The following GZF1 variants were observed in gnomAD, a reference collection of about 807,000 sequenced individuals.
GZF1 encodes the protein GDNF-inducible zinc finger protein 1.
GZF1 carries 28 observed loss-of-function variants against 49.4 expected under a neutral mutation model. The observed-to-expected ratio is 0.57, with a 90% CI of 0.42 to 0.78. GZF1 has a LOEUF of 0.78. Ranked by LOEUF, GZF1 falls within the 30% of genes least tolerant of loss-of-function variation. GZF1 has a pLI of 0.00. For synonymous variants in GZF1, 364 were observed against 356.0 expected, an observed-to-expected ratio of 1.02 and a Z score of -0.25; for missense variants, 798 against 916.2, an observed-to-expected ratio of 0.87 and a Z score of 1.67.
rs980625959 is a variant in GZF1 at position 23,369,697 on chromosome 20, G to A, written c.1741G>A (p.Gly581Arg). Residue 581 changes from glycine to arginine, a missense_variant, in exon 5 of 6, where the codon GGA (glycine) becomes AGA (arginine). By Grantham distance (125) the Gly-to-Arg change is moderately radical. Transcript: ENST00000338121. ...GERPFMCNAC[G>R]RTFTDKSTLR... is the part of the protein sequence containing the mutation. ...GAGGCCATTCATGTGCAATGCGTGCGGACGGACATTCACCGACAAGTCCAC... is the reference window on the plus strand; with the variant it reads ...GAGGCCATTCATGTGCAATGCGTGCAGACGGACATTCACCGACAAGTCCAC... 24 of 1,613,870 alleles carry A rather than the reference G, an allele frequency of 1.5e-5. No homozygotes were observed. The highest frequency in any genetic ancestry group is 1.7e-4 in the Middle Eastern group (1 of 6,058).
intron 1 of GZF1, chr20:23,362,959 C>G (rs1370045636): frequency 6.6e-6 from 1 of 152,226 alleles, no homozygotes; most frequent in East Asian, 1.9e-4. Flanking sequence ...CACTGAAACC[C>G]CAGTGGCTCT....
At chr20:23,363,841 G>T (rs1980975417) in intron 1 of GZF1, among the ~76,000 whole-genome samples, 1 of 152,242 alleles carries the variant, frequency 6.6e-6, no homozygotes. Flanking sequence ...AATGGGCGAT[G>T]AATTGTGAAC....
rs1982010661 is a variant in GZF1 at position 23,370,860 on chromosome 20, TC to T, written c.*420del. On this transcript the variant is annotated 3_prime_UTR_variant, in exon 6 of 6. Coordinates refer to ENST00000338121, the MANE Select transcript of GZF1 (RefSeq NM_022482.5). Reference sequence around the variant, plus strand: ...TTATATTTCCATGTGGGTTTACTTCTCTCATAACTACTTTCAAGGTATTTTT... The same window carrying T: ...TTATATTTCCATGTGGGTTTACTTCTTCATAACTACTTTCAAGGTATTTTT... The T allele has an allele frequency of 6.3e-6, 1 of 159,176 alleles. No individual in the cohort carries two copies. Among genetic ancestry groups the T allele is most frequent in the Non-Finnish European group, 1.4e-5 (1 of 72,830 alleles). The allele number at this position is 159,176 out of a possible 1,614,324, so 9.9% of individuals were successfully genotyped here.
intron 1 of GZF1, 99 bp from the exon 2 acceptor site, chr20:23,364,264 A>G: frequency 7.7e-6 from 5 of 646,770 alleles, no homozygotes; most frequent in Middle Eastern, 4.4e-4. Context: ...TAGGTTGTTA[A>G]TGAGTCTATA....
At position 23,370,717 on chromosome 20, in the gene GZF1, C is replaced by T. The variant is rs986454288; in HGVS notation, c.*276C>T. 1.7e-5 allele frequency: 7 copies of T among 407,932 alleles called. No individual in the cohort carries two copies. Among genetic ancestry groups the T allele is most frequent in the Non-Finnish European group, 2.7e-5 (6 of 225,562 alleles). The allele number at this position is 407,932 out of a possible 1,614,324, so 25.3% of individuals were successfully genotyped here. A position where few individuals can be genotyped will look rare whatever the true frequency, so the allele number is the denominator to read the frequency against. ...TCTGGTGTAGGGTGTATGTGCTAAT[C>T]GTTCTAATTCTTGATTACCTAGTTT... On this transcript the variant is annotated 3_prime_UTR_variant, in exon 6 of 6. Transcript: ENST00000338121.
At position 23,364,784 on chromosome 20, in the gene GZF1, A is replaced by G. The variant is rs1465888988; in HGVS notation, c.401A>G (p.Glu134Gly). 4 of 1,614,288 alleles carry G rather than the reference A, an allele frequency of 2.5e-6. No homozygotes were observed. In the South Asian group the frequency reaches 4.4e-5, roughly 18 times the overall value. ...TCFQLKKQML[E>G]SVLLELQNFS... ...TTTCAATTAAAGAAACAGATGTTAG[A>G]GTCAGTACTTTTGGAGTTGCAAAAT... Residue 134 changes from glutamate to glycine, a missense_variant, in exon 2 of 6, where the codon GAG becomes GGG. Around this residue, in one of 3 missense-constraint regions of GZF1, gnomAD observed 247 missense variants for 228.5 expected, o/e 1.08. Coordinates refer to ENST00000338121, the MANE Select transcript of GZF1 (RefSeq NM_022482.5).
In GZF1 at chr20:23,364,793, T is replaced by A. The variant is rs1452331092; in HGVS notation, c.410T>A (p.Leu137His). The A allele has an allele frequency of 3.1e-6, 5 of 1,614,146 alleles. No individual in the cohort carries two copies. The highest frequency in any genetic ancestry group is 4.2e-6 in the Non-Finnish European group (5 of 1,180,056). Residue 137 changes from leucine to histidine, a missense_variant, in exon 2 of 6, where the codon CTT becomes CAT. Physicochemically the swap from Leu to His is moderately conservative, Grantham distance 99 (BLOSUM62 -3). Around this residue, in one of 3 missense-constraint regions of GZF1, gnomAD observed 247 missense variants for 228.5 expected, o/e 1.08. Coordinates refer to ENST00000338121, the MANE Select transcript of GZF1 (RefSeq NM_022482.5). Reference protein sequence around the residue: ...QLKKQMLESVLLELQNFSESQ... With the variant: ...QLKKQMLESVHLELQNFSESQ... ...AAGAAACAGATGTTAGAGTCAGTAC[T>A]TTTGGAGTTGCAAAATTTCTCAGAG...
intron 5 of GZF1, 129 bp from the exon 6 acceptor site, chr20:23,369,962 T>C (rs906227513): frequency 2.3e-5 from 21 of 910,096 alleles, no homozygotes; most frequent in Non-Finnish European, 2.9e-5. Context: ...TCTGTAACAG[T>C]GAGGGTGGTG....
chr20:23,366,549 TCTC>T (rs1302602316), intron 2 of GZF1, among the ~76,000 whole-genome samples: 14 of 152,220 alleles, frequency 9.2e-5, no homozygotes, highest in African/African-American at 3.1e-4. Flanking sequence ...TGAGAACAGT[TCTC>T]CTTTCTCTAC....
At position 23,364,579 on chromosome 20, in the gene GZF1, A is replaced by C. The variant is rs1179228082; in HGVS notation, c.196A>C (p.Asn66His). 6.2e-7 allele frequency: 1 copy of C among 1,614,110 alleles called. No homozygotes were observed. The highest frequency in any genetic ancestry group is 1.7e-5 in the Admixed American group (1 of 60,004). ...CAAGTTTTTTAAGGAAGTGTTCCTT[A>C]ATGAGAAGAGTGTGGATGGTACTAG... Reference protein sequence around the residue: ...TSKFFKEVFLNEKSVDGTRTN... With the variant: ...TSKFFKEVFLHEKSVDGTRTN... The change falls in exon 2 of 6, where the codon AAT (asparagine) becomes CAT (histidine). Residue 66 changes from asparagine (N) to histidine (H), a missense_variant. This residue lies in a region of GZF1 where 105 missense variants were observed against 147.5 expected (regional missense o/e 0.71). Coordinates refer to ENST00000338121, the MANE Select transcript of GZF1 (RefSeq NM_022482.5).
chr20:23,365,680 C>A lies in GZF1; in HGVS notation c.1297C>A (p.Arg433=). 6.3e-7 allele frequency: 1 copy of A among 1,590,322 alleles called. No homozygotes were observed. Among genetic ancestry groups the A allele is most frequent in the Non-Finnish European group, 8.5e-7 (1 of 1,173,314 alleles). The change falls in exon 2 of 6, where the codon CGG becomes AGG. Residue 433 remains arginine (R), a synonymous_variant. Transcript: ENST00000338121. The part of the protein sequence containing the change: ...RLHERTHTGD[R]PYGCTECGAR... ...GCACGAGCGCACACACACGGGAGAC[C>A]GGCCCTACGGCTGCACCGAGTGCGG...
rs1430441309 is a variant in GZF1, at chr20:23,372,201, C to CT, written c.*1762dup. 7.9e-5 allele frequency: 12 copies of CT among 152,510 alleles called. No homozygotes were observed. The highest frequency in any genetic ancestry group is 1.5e-4 in the Non-Finnish European group (10 of 68,000). The allele number at this position is 152,510 out of a possible 1,614,324, so 9.4% of individuals were successfully genotyped here. On this transcript the variant is annotated 3_prime_UTR_variant, in exon 6 of 6. Transcript: ENST00000338121. ...GGGATTTTTGTCTTGAATTTGTTTC[C>CT]TTAGAAATTCTACAAAAAAATGTTG...
At position 23,370,243 on chromosome 20, in the gene GZF1, T is replaced by C. The variant is rs1199558539; in HGVS notation, c.1938T>C (p.His646=). ...TGCTGTCTTTTGCAGAAAATGGCCATTTCCACAACCTGGCTGCAGTCCAAG... is the reference window on the plus strand; with the variant it reads ...TGCTGTCTTTTGCAGAAAATGGCCACTTCCACAACCTGGCTGCAGTCCAAG... ...DKLLSFAENG[H]FHNLAAVQDT... The change falls in exon 6 of 6, where the codon CAT becomes CAC. Residue 646 remains histidine, a synonymous_variant. Transcript: ENST00000338121. 6 of 1,614,036 alleles carry C rather than the reference T, an allele frequency of 3.7e-6. No homozygotes were observed. In the African/African-American group the frequency reaches 5.3e-5, roughly 14 times the overall value.
rs1236207316 is a variant in GZF1 at position 23,370,435 on chromosome 20, G to A, written c.2130G>A (p.Met710Ile). 2 of 1,602,112 alleles carry A rather than the reference G, an allele frequency of 1.2e-6. No homozygotes were observed. Among genetic ancestry groups the A allele is most frequent in the South Asian group, 1.1e-5 (1 of 90,738 alleles). ...MPTQLHSLSN[M>I]E The stretch of plus-strand genomic sequence containing the variant: ...CACAGCTTCACTCTTTGAGCAACAT[G>A]GAATAAGAGCTTCAAGCAGTTCCCA... Residue 710 changes from methionine (M) to isoleucine (I), a missense_variant, in exon 6 of 6, where the codon ATG (methionine) becomes ATA (isoleucine). Met to Ile is a conservative substitution (Grantham distance 10, BLOSUM62 1). Transcript: ENST00000338121.
rs1982230465 is a variant in GZF1, at chr20:23,373,021, TTAAA to T, written c.*2585_*2588del. On this transcript the variant is annotated 3_prime_UTR_variant, in exon 6 of 6. Coordinates refer to ENST00000338121, the MANE Select transcript of GZF1 (RefSeq NM_022482.5). ...AGTGTATAATTTAATTTTTAACCTGTTAAATAAACCTTGTCCCTCCAAGGAGTTC... is the reference window on the plus strand; with the variant it reads ...AGTGTATAATTTAATTTTTAACCTGTTAAACCTTGTCCCTCCAAGGAGTTC... The T allele has an allele frequency of 2.0e-5, 3 of 152,376 alleles. No homozygotes were observed. The highest frequency in any genetic ancestry group is 4.1e-4 in the South Asian group (2 of 4,826). The allele number at this position is 152,376 out of a possible 1,614,324, so 9.4% of individuals were successfully genotyped here.
rs932114112 is a variant in GZF1 at position 23,365,412 on chromosome 20, C to T, written c.1029C>T (p.Ala343=). The change falls in exon 2 of 6, where the codon GCC becomes GCT. Residue 343 remains alanine, a synonymous_variant. Transcript: ENST00000338121. ...ACAGCAAGCACCGCCACGGCGTGGC[C>T]ACCGAGGTGGTGTACCGCTGCGACA... ...LKHSKHRHGV[A]TEVVYRCDTC... 2 of 1,613,842 alleles carry T rather than the reference C, an allele frequency of 1.2e-6. No homozygotes were observed. The highest frequency in any genetic ancestry group is 1.3e-5 in the African/African-American group (1 of 75,062).
Position 23,371,833 on chromosome 20 carries a change from T to C in GZF1, c.*1392T>C, listed in dbSNP as rs1181655029. The C allele has an allele frequency of 1.3e-5, 2 of 152,240 alleles. No homozygotes were observed. The highest frequency in any genetic ancestry group is 4.8e-5 in the African/African-American group (2 of 41,446). 9.4% of individuals were successfully genotyped at this position (152,240 alleles called of 1,614,324 possible). A position where few individuals can be genotyped will look rare whatever the true frequency, so the allele number is the denominator to read the frequency against. On this transcript the variant is annotated 3_prime_UTR_variant, in exon 6 of 6. Transcript: ENST00000338121. The stretch of plus-strand genomic sequence containing the variant: ...TTGATTTTCTAAGAGGAAGGTACTT[T>C]AAGTTCCAGAATGAACATGTAGCTG...
chr20:23,368,203 T>G (rs930016253), intron 3 of GZF1, among the ~76,000 whole-genome samples: 1 of 140,756 alleles, frequency 7.1e-6, no homozygotes, highest in African/African-American at 2.5e-5. Flanking sequence ...TAAGATTTTA[T>G]TAAAGTCACT....
chr20:23,370,237 T>C lies in GZF1; in HGVS notation c.1932T>C (p.Asn644=), dbSNP rs2123083562. 1.9e-6 allele frequency: 3 copies of C among 1,614,146 alleles called. No individual in the cohort carries two copies. The East Asian group carries it at 6.7e-5, about 36-fold the overall frequency. ...ATAAATTGCTGTCTTTTGCAGAAAA[T>C]GGCCATTTCCACAACCTGGCTGCAG... ...LSDKLLSFAE[N]GHFHNLAAVQ... The change falls in exon 6 of 6, where the codon AAT becomes AAC. Residue 644 remains asparagine (N), a synonymous_variant. Coordinates refer to ENST00000338121, the MANE Select transcript of GZF1 (RefSeq NM_022482.5).
Sources: gnomAD v4.1 joint callset for allele counts (sites outside exome capture counted in the v4.1 genomes callset) on GRCh38, gnomAD v4.1.1 for gene constraint, gnomAD v4.1.1 regional missense constraint, MANE v1.5 for transcripts, NCBI Gene and HGNC (gene_info 2026-07-23, HGNC 2026-07-21) for gene names.